DOCK4: variants seen among roughly 807,000 people sequenced by gnomAD.
The protein encoded by DOCK4 is dedicator of cytokinesis protein 4.
DOCK4 carries 97 observed loss-of-function variants against 268.1 expected under a neutral mutation model. The observed-to-expected ratio is 0.36, with a 90% confidence interval of 0.31 to 0.43. The LOEUF is 0.43. Among genes scored for constraint, DOCK4 ranks in the 20% least tolerant of loss-of-function variants. DOCK4 has a pLI of 1.00. For synonymous variants in DOCK4, 954 were observed against 887.2 expected, an observed-to-expected ratio of 1.08 and a Z score of -1.34; for missense variants, 2,145 against 2,455.7, an observed-to-expected ratio of 0.87 and a Z score of 2.67.
intron 36 of DOCK4, among the ~76,000 whole-genome samples, chr7:111,775,308 G>A (rs547490498): frequency 2.9e-4 from 44 of 152,284 alleles, no homozygotes; most frequent in East Asian, 9.7e-4. Flanking sequence ...GAGGAGCCAT[G>A]ATTCAGGAGT....
At chr7:111,981,926 T>G (rs1402399715) in intron 7 of DOCK4, among the ~76,000 whole-genome samples, 2 of 152,146 alleles carry the variant, frequency 1.3e-5, no homozygotes, top group African/African-American at 2.4e-5. Flanking sequence ...TAATGTTACA[T>G]GAAAAGAACA....
At chr7:112,095,113 A>C (rs1809994365) in intron 1 of DOCK4, among the ~76,000 whole-genome samples, 1 of 152,198 alleles carries the variant, frequency 6.6e-6, no homozygotes, top group Admixed American at 6.5e-5. Context: ...CAATCCTGAA[A>C]AATTCCTTCT....
chr7:112,063,802 C>G (rs887163250), intron 1 of DOCK4, among the ~76,000 whole-genome samples: 2 of 152,178 alleles, frequency 1.3e-5, no homozygotes, highest in Admixed American at 6.5e-5. Context: ...TTATGTTTTA[C>G]AGTGTTGTCA....
At chr7:111,883,632 T>C (rs1290055995) in intron 16 of DOCK4, among the ~76,000 whole-genome samples, 3 of 152,136 alleles carry the variant, frequency 2.0e-5, no homozygotes, top group Non-Finnish European at 4.4e-5. Flanking sequence ...GGACCACTTG[T>C]ATGAGTGAGG....
intron 26 of DOCK4, among the ~76,000 whole-genome samples, chr7:111,832,888 G>C (rs1487389187): frequency 2.6e-5 from 4 of 152,186 alleles, no homozygotes; most frequent in Non-Finnish European, 5.9e-5. Flanking sequence ...ACTGAAATGA[G>C]AAAAGTCCAC....
At chr7:111,889,613 T>C (rs576984562) in intron 16 of DOCK4, among the ~76,000 whole-genome samples, 2 of 152,270 alleles carry the variant, frequency 1.3e-5, no homozygotes, top group Admixed American at 6.5e-5. Flanking sequence ...TGGACTACTA[T>C]GGACCAAGTT....
At chr7:112,018,179 A>AAAAAAAAAAAAAAACACAC in intron 1 of DOCK4, among the ~76,000 whole-genome samples, 3 of 72,628 alleles carry the variant, frequency 4.1e-5, no homozygotes, top group African/African-American at 1.1e-4. Context: ...AAAAAAAAAA[A>AAAAAAAAAAAAAAACACAC]ACACAGGCAA....
chr7:111,970,725 A>G (rs1447232595), intron 8 of DOCK4, among the ~76,000 whole-genome samples: 2 of 152,224 alleles, frequency 1.3e-5, no homozygotes, highest in Non-Finnish European at 2.9e-5. Context: ...TGCCTCTCCA[A>G]TGTGGCTGTG....
chr7:112,129,838 A>G (rs1813632623), intron 1 of DOCK4, among the ~76,000 whole-genome samples: 2 of 152,334 alleles, frequency 1.3e-5, no homozygotes, highest in South Asian at 4.1e-4. Flanking sequence ...TACTCACCCT[A>G]GCAGCAGAAC....
chr7:112,199,783 A>G (rs559652071), intron 1 of DOCK4, among the ~76,000 whole-genome samples: 11 of 152,344 alleles, frequency 7.2e-5, no homozygotes, highest in African/African-American at 2.6e-4. Flanking sequence ...TATAGTGACC[A>G]GAGAGTGTTG....
intron 8 of DOCK4, among the ~76,000 whole-genome samples, chr7:111,959,255 A>G (rs1796677317): frequency 6.6e-6 from 1 of 152,132 alleles, no homozygotes; most frequent in Non-Finnish European, 1.5e-5. Context: ...AGGGTGTCTG[A>G]ATGCCGTCTC....
At chr7:111,856,709 G>C (rs933880797) in intron 23 of DOCK4, among the ~76,000 whole-genome samples, 1 of 152,188 alleles carries the variant, frequency 6.6e-6, no homozygotes, top group Non-Finnish European at 1.5e-5. Context: ...CTTTGGAAAA[G>C]CCTGGGGAGA....
intron 1 of DOCK4, among the ~76,000 whole-genome samples, chr7:112,106,092 G>A (rs1034115203): frequency 3.4e-4 from 52 of 152,230 alleles, no homozygotes; most frequent in Non-Finnish European, 6.2e-4. Flanking sequence ...GGCAAGAGAA[G>A]AGTGCACAAC....
intron 1 of DOCK4, among the ~76,000 whole-genome samples, chr7:112,083,459 A>G (rs1254295203): frequency 6.6e-6 from 1 of 152,096 alleles, no homozygotes; most frequent in African/African-American, 2.4e-5. Context: ...TCTGTTTCCT[A>G]GAAGTTTTTA....
chr7:111,855,740 T>C (rs1804948048), intron 23 of DOCK4, among the ~76,000 whole-genome samples: 1 of 152,204 alleles, frequency 6.6e-6, no homozygotes, highest in African/African-American at 2.4e-5. Flanking sequence ...CTGTACTTTA[T>C]CATATTATAA....
chr7:112,036,926 G>T (rs1028676690), intron 1 of DOCK4, among the ~76,000 whole-genome samples: 1 of 152,144 alleles, frequency 6.6e-6, no homozygotes, highest in Non-Finnish European at 1.5e-5. Flanking sequence ...CTCCCATAGT[G>T]CTGGGATTAC....
chr7:111,987,927 G>A (rs190786240), intron 6 of DOCK4, among the ~76,000 whole-genome samples: 7 of 152,256 alleles, frequency 4.6e-5, no homozygotes, highest in East Asian at 1.9e-4. Context: ...ACAAAATACC[G>A]GAAGTCCTCT....
intron 1 of DOCK4, among the ~76,000 whole-genome samples, chr7:112,156,978 A>C (rs1816662420): frequency 1.3e-5 from 1 of 77,144 alleles, no homozygotes; most frequent in Non-Finnish European, 2.6e-5. Flanking sequence ...TGATTTTAAA[A>C]GTTAACATAC....
chr7:111,844,894 TTTCC>T lies in DOCK4; in HGVS notation c.2602-1_2604del. 6.2e-7 allele frequency: 1 copy of T among 1,607,418 alleles called. No individual in the cohort carries two copies. The highest frequency in any genetic ancestry group is 8.5e-7 in the Non-Finnish European group (1 of 1,177,230). On this transcript the variant is annotated splice_acceptor_variant and coding_sequence_variant, in exon 25 of 53. Transcript: ENST00000428084. LOFTEE classifies it high-confidence loss of function. ...ACATCTATTTCCTCCAGCACAGATT[TTTCC>T]TTAAGAGAAAAAAAATAATATGTTC...
Sources: gnomAD v4.1 joint callset for allele counts (sites outside exome capture counted in the v4.1 genomes callset) on GRCh38, gnomAD v4.1.1 for gene constraint, MANE v1.5 for transcripts, NCBI Gene and HGNC (gene_info 2026-07-23, HGNC 2026-07-21) for gene names.